The following SIPA1L1 variants were observed in gnomAD, a reference collection of about 807,000 sequenced individuals.
The protein encoded by SIPA1L1 is signal-induced proliferation-associated 1-like protein 1.
SIPA1L1 carries 26 observed loss-of-function variants against 162.7 expected under a neutral mutation model. That is an observed-to-expected ratio of 0.16 (90% CI 0.12 to 0.22). The LOEUF is 0.22. SIPA1L1 is among the 10% of genes least tolerant of loss of function. The probability of loss-of-function intolerance (pLI) is 1.00; values close to 1 mark genes in which losing one functional copy is unlikely to be tolerated. For synonymous variants in SIPA1L1, 829 were observed against 837.4 expected (o/e 0.99, Z 0.17); for missense variants, 1,874 against 2,241.0 (o/e 0.84, Z 3.31).
chr14:71,673,526 A>G (rs1013818867), intron 12 of SIPA1L1, among the ~76,000 whole-genome samples: 6 of 152,202 alleles, frequency 3.9e-5, no homozygotes, highest in African/African-American at 7.2e-5. Flanking sequence ...ATCAGATGGT[A>G]GAAAGTTAAT....
chr14:71,725,697 G>A (rs2084175094), intron 19 of SIPA1L1, among the ~76,000 whole-genome samples: 1 of 152,156 alleles, frequency 6.6e-6, no homozygotes, highest in African/African-American at 2.4e-5. Context: ...TGTTTATTGA[G>A]CTGGGCCTGA....
chr14:71,595,292 A>G (rs2035902559), intron 5 of SIPA1L1, among the ~76,000 whole-genome samples: 1 of 152,228 alleles, frequency 6.6e-6, no homozygotes, highest in African/African-American at 2.4e-5. Flanking sequence ...TGTGTCATTC[A>G]TCAGCCCCTT....
At chr14:71,682,269 C>A (rs1418550744) in intron 12 of SIPA1L1, among the ~76,000 whole-genome samples, 2 of 152,192 alleles carry the variant, frequency 1.3e-5, no homozygotes, top group South Asian at 4.1e-4. Context: ...AGTTACCGTT[C>A]ATCAACACAG....
intron 5 of SIPA1L1, among the ~76,000 whole-genome samples, chr14:71,607,918 GT>G (rs1471303119): frequency 6.6e-6 from 1 of 152,054 alleles, no homozygotes; most frequent in Non-Finnish European, 1.5e-5. Context: ...TGTTCTTTCA[GT>G]ACAAGTTGAT....
chr14:71,400,504 A>G (rs1349978888), intron 2 of SIPA1L1, among the ~76,000 whole-genome samples: 1 of 152,120 alleles, frequency 6.6e-6, no homozygotes, highest in Non-Finnish European at 1.5e-5. Context: ...TCACGTCAGC[A>G]GTGGCTGCCT....
At chr14:71,352,116 A>G (rs150021064) in intron 2 of SIPA1L1, among the ~76,000 whole-genome samples, 147 of 152,190 alleles carry the variant, frequency 9.7e-4, no homozygotes, top group African/African-American at 3.4e-3. Flanking sequence ...TTTTAAAAAC[A>G]TACTTTATAT....
In SIPA1L1 at chr14:71,403,318, G is replaced by A. The variant is rs143009671; in HGVS notation, c.-465+82137G>A. ...AAAAATGTTACATAAAAAGAATCTT[G>A]GCCTGGCGCGGTGGCTCACGCCTGT... On this transcript the variant is annotated intron_variant, in intron 2 of 23. Transcript: ENST00000381232. 2.4e-4 allele frequency among the ~76,000 whole-genome samples: 37 copies of A among 152,078 alleles called. 1 individual carries two copies. Among genetic ancestry groups the A allele is most frequent in the African/African-American group, 8.7e-4 (36 of 41,496 alleles).
chr14:71,554,177 T>A (rs1179528594), intron 4 of SIPA1L1, among the ~76,000 whole-genome samples: 1 of 151,592 alleles, frequency 6.6e-6, no homozygotes, highest in Non-Finnish European at 1.5e-5. Flanking sequence ...AGATACAGTA[T>A]TTTTTTTTCT....
intron 4 of SIPA1L1, chr14:71,586,329 G>C (rs1365902739): frequency 6.6e-6 from 1 of 151,754 alleles, no homozygotes; most frequent in Non-Finnish European, 1.5e-5. Context: ...GAAAGCGCCT[G>C]CCTTGGAGGC....
At chr14:71,512,360 T>C (rs2051229856) in intron 2 of SIPA1L1, among the ~76,000 whole-genome samples, 4 of 152,044 alleles carry the variant, frequency 2.6e-5, no homozygotes, top group Admixed American at 2.6e-4. Flanking sequence ...CGTTAAAATA[T>C]GTTCTTTCAC....
intron 2 of SIPA1L1, among the ~76,000 whole-genome samples, chr14:71,479,390 TATTC>T (rs978606131): frequency 3.9e-5 from 6 of 152,006 alleles, no homozygotes; most frequent in African/African-American, 9.7e-5. Context: ...TATATGTATG[TATTC>T]ATTCATTCAT....
chr14:71,510,242 A>G (rs2051026579), intron 2 of SIPA1L1, among the ~76,000 whole-genome samples: 1 of 122,996 alleles, frequency 8.1e-6, no homozygotes, highest in Non-Finnish European at 1.6e-5. Context: ...GTTGGAGTGC[A>G]GTGGCACGAT....
intron 5 of SIPA1L1, among the ~76,000 whole-genome samples, chr14:71,605,428 G>C (rs1379935567): frequency 6.6e-6 from 1 of 152,102 alleles, no homozygotes; most frequent in Non-Finnish European, 1.5e-5. Flanking sequence ...CTTTTAAGAT[G>C]TCATATTTCT....
rs1306102086 is a variant in SIPA1L1 at position 71,338,905 on chromosome 14, T to G, written c.-465+17724T>G. On this transcript the variant is annotated intron_variant, in intron 2 of 23. Coordinates refer to ENST00000381232, the MANE Select transcript of SIPA1L1 (RefSeq NM_001386936.1). Reference sequence around the variant, plus strand: ...CAGGTGTGCACCACCACACCCGGCTTCTTTTTGTATTTTTAGCAGAGATGG... The same window carrying G: ...CAGGTGTGCACCACCACACCCGGCTGCTTTTTGTATTTTTAGCAGAGATGG... Among the ~76,000 whole-genome samples, 6 of 151,578 alleles carry G rather than the reference T, an allele frequency of 4.0e-5. No homozygotes were observed. In the East Asian group the frequency reaches 1.2e-3, roughly 29 times the overall value.
Position 71,385,686 on chromosome 14 carries a change from CTTTTTTT to C in SIPA1L1, c.-465+64519_-465+64525del, listed in dbSNP as rs532140419. ...GATGCTTTACTTTCTTTTGTACATT[CTTTTTTT>C]TTTTTTTTTTTTTGAAACAAGTCTT... On this transcript the variant is annotated intron_variant, in intron 2 of 23. Coordinates refer to ENST00000381232, the MANE Select transcript of SIPA1L1 (RefSeq NM_001386936.1). 2.4e-4 allele frequency among the ~76,000 whole-genome samples: 27 copies of C among 112,390 alleles called. No homozygotes were observed. The South Asian group carries it at 4.1e-3, about 17-fold the overall frequency. The allele number at this position is 112,390 out of a possible 152,430, so 73.7% of individuals were successfully genotyped here. A position where few individuals can be genotyped will look rare whatever the true frequency, so the allele number is the denominator to read the frequency against.
intron 2 of SIPA1L1, among the ~76,000 whole-genome samples, chr14:71,336,605 A>G (rs1039785390): frequency 4.6e-5 from 7 of 152,196 alleles, no homozygotes; most frequent in African/African-American, 1.7e-4. Context: ...AGAAACTACA[A>G]CCTGTGCTGG....
intron 2 of SIPA1L1, among the ~76,000 whole-genome samples, chr14:71,462,703 C>A (rs889087910): frequency 3.9e-5 from 6 of 152,134 alleles, no homozygotes; most frequent in Admixed American, 1.3e-4. Context: ...CCCAATAAGT[C>A]CAGTGTCTTG....
At chr14:71,560,573 G>T (rs1469646954) in intron 4 of SIPA1L1, among the ~76,000 whole-genome samples, 2 of 152,196 alleles carry the variant, frequency 1.3e-5, no homozygotes, top group Admixed American at 6.5e-5. Flanking sequence ...GGACTAATCT[G>T]TTCCTGACTA....
intron 4 of SIPA1L1, among the ~76,000 whole-genome samples, chr14:71,543,983 A>ATG (rs2054791755): frequency 6.7e-6 from 1 of 149,346 alleles, no homozygotes; most frequent in Non-Finnish European, 1.5e-5. Context: ...ACACACGCAC[A>ATG]TGTATATATA....
Sources: gnomAD v4.1 joint callset for allele counts (sites outside exome capture counted in the v4.1 genomes callset) on GRCh38, gnomAD v4.1.1 for gene constraint, MANE v1.5 for transcripts, NCBI Gene and HGNC (gene_info 2026-07-23, HGNC 2026-07-21) for gene names.